Variants in MITF observed in about 807,000 individuals in gnomAD.
MITF encodes the protein melanocyte inducing transcription factor.
MITF carries 17 observed loss-of-function variants against 60.5 expected under a neutral mutation model. The observed-to-expected ratio is 0.28, with a 90% CI of 0.19 to 0.42. The LOEUF (loss-of-function observed/expected upper bound fraction) is 0.42, where lower values mean the gene tolerates loss of function less well. Among genes scored for constraint, MITF ranks in the 10% least tolerant of loss-of-function variants. MITF has a pLI of 1.00. For synonymous variants in MITF, 260 were observed against 248.5 expected (o/e 1.05, Z -0.43); for missense variants, 622 against 683.5 (o/e 0.91, Z 1.00).
intron 1 of MITF, among the ~76,000 whole-genome samples, chr3:69,868,681 A>ACT (rs2064163086): frequency 6.6e-6 from 1 of 152,044 alleles, no homozygotes; most frequent in African/African-American, 2.4e-5. Context: ...CAGGTGGATC[A>ACT]TGAGGTCAGG....
chr3:69,903,290 A>G (rs1012648793), intron 2 of MITF, among the ~76,000 whole-genome samples: 7 of 152,204 alleles, frequency 4.6e-5, no homozygotes, highest in Non-Finnish European at 7.3e-5. Flanking sequence ...TATTTTTATA[A>G]AATCTCCCTG....
At chr3:69,739,847 C>T (rs975010972) in intron 1 of MITF, 146 bp downstream of exon 1, 8 of 643,558 alleles carry the variant, frequency 1.2e-5, no homozygotes, top group Non-Finnish European at 1.9e-5. Context: ...CTGCCCCTCG[C>T]AGTTGGGGGC....
chr3:69,854,383 T>C (rs943499513), intron 1 of MITF, among the ~76,000 whole-genome samples: 4 of 152,214 alleles, frequency 2.6e-5, no homozygotes, highest in African/African-American at 9.6e-5. Flanking sequence ...TTTAAAATGG[T>C]GTAGTATTTT....
chr3:69,790,700 A>G (rs1459044070), intron 1 of MITF, among the ~76,000 whole-genome samples: 1 of 152,196 alleles, frequency 6.6e-6, no homozygotes, highest in Non-Finnish European at 1.5e-5. Context: ...CAAAACCCCT[A>G]TATCTCGCTT....
At chr3:69,807,744 A>C (rs1257040739) in intron 1 of MITF, among the ~76,000 whole-genome samples, 1 of 152,230 alleles carries the variant, frequency 6.6e-6, no homozygotes, top group Non-Finnish European at 1.5e-5. Context: ...ACCTCATCAA[A>C]GCAGTTAATT....
intron 1 of MITF, among the ~76,000 whole-genome samples, chr3:69,756,132 T>C (rs1196696280): frequency 6.6e-6 from 1 of 152,178 alleles, no homozygotes; most frequent in African/African-American, 2.4e-5. Context: ...GGCAAGTTTT[T>C]TTTTTTAAGT....
At chr3:69,848,318 T>G (rs1156494867) in intron 1 of MITF, among the ~76,000 whole-genome samples, 2 of 152,234 alleles carry the variant, frequency 1.3e-5, no homozygotes, top group African/African-American at 4.8e-5. Flanking sequence ...TTCTCATGAC[T>G]TTATTTTTCC....
At chr3:69,875,977 G>A (rs56038322) in intron 1 of MITF, among the ~76,000 whole-genome samples, 42,119 of 152,024 alleles carry the variant, frequency 0.28, 6,092 homozygotes, top group Admixed American at 0.31. Context: ...TAACTGAGCT[G>A]TGCTATATTT....
chr3:69,744,573 T>G (rs184142185), intron 1 of MITF, among the ~76,000 whole-genome samples: 52 of 152,354 alleles, frequency 3.4e-4, no homozygotes, highest in Non-Finnish European at 5.9e-4. Flanking sequence ...TGACACACAG[T>G]AAGTGCTCAG....
chr3:69,760,981 T>G (rs1057511661), intron 1 of MITF, among the ~76,000 whole-genome samples: 1 of 152,232 alleles, frequency 6.6e-6, no homozygotes, highest in African/African-American at 2.4e-5. Flanking sequence ...GGTTCTGTAC[T>G]TTCAAGTTAC....
At chr3:69,889,450 A>G (rs1231257507) in intron 2 of MITF, among the ~76,000 whole-genome samples, 1 of 151,818 alleles carries the variant, frequency 6.6e-6, no homozygotes, top group African/African-American at 2.4e-5. Flanking sequence ...AACCAAGTAC[A>G]TAAATTCAAA....
At chr3:69,820,771 C>T (rs1193871811) in intron 1 of MITF, among the ~76,000 whole-genome samples, 2 of 152,156 alleles carry the variant, frequency 1.3e-5, no homozygotes, top group African/African-American at 4.8e-5. Context: ...GCCCAACACT[C>T]TGCACTTTGG....
intron 1 of MITF, among the ~76,000 whole-genome samples, chr3:69,793,554 GT>G (rs1553680464): frequency 2.7e-4 from 27 of 101,618 alleles, no homozygotes; most frequent in East Asian, 2.4e-3. Flanking sequence ...CAATGCTCAA[GT>G]TATGATGACC....
In MITF at chr3:69,967,400, T is replaced by TTG; in HGVS notation, c.*2152_*2153insTG. 4.3e-6 allele frequency: 1 copy of TTG among 232,622 alleles called. No homozygotes were observed. The highest frequency in any genetic ancestry group is 8.5e-6 in the Non-Finnish European group (1 of 117,426). The allele number at this position is 232,622 out of a possible 1,614,324, so 14.4% of individuals were successfully genotyped here. On this transcript the variant is annotated 3_prime_UTR_variant, in exon 10 of 10. Coordinates refer to ENST00000352241, the MANE Select transcript of MITF (RefSeq NM_001354604.2). ...GTCTATTTTTCTCTTCATATTTATA[T>TTG]GGGGGGGAGGGCGCTGGATGCAAAA...
chr3:69,840,599 G>A (rs1054728410), intron 1 of MITF, among the ~76,000 whole-genome samples: 3 of 151,888 alleles, frequency 2.0e-5, no homozygotes, highest in African/African-American at 7.3e-5. Context: ...AAAAGAGATC[G>A]ACAGGAAAAT....
In MITF at chr3:69,879,184, G is replaced by A. The variant is rs2107276232; in HGVS notation, c.155G>A (p.Ser52Asn). 5.6e-6 allele frequency: 9 copies of A among 1,614,252 alleles called. No homozygotes were observed. The highest frequency in any genetic ancestry group is 7.6e-6 in the Non-Finnish European group (9 of 1,180,048). The change falls in exon 2 of 10, where the codon AGT (serine) becomes AAT (asparagine). Residue 52 changes from serine (S) to asparagine (N), a missense_variant. Physicochemically the swap from Ser to Asn is conservative, Grantham distance 46. Coordinates refer to ENST00000352241, the MANE Select transcript of MITF (RefSeq NM_001354604.2). ...GASKPPISSS[S>N]MTSRILLRQQ... ...TCCAAGCCTCCGATAAGCTCCTCCA[G>A]TATGACATCACGCATCTTGCTACGC...
chr3:69,768,483 A>C (rs1045176681), intron 1 of MITF, among the ~76,000 whole-genome samples: 4 of 152,242 alleles, frequency 2.6e-5, no homozygotes, highest in Admixed American at 2.6e-4. Flanking sequence ...TTTTCTGAAC[A>C]TGATATTTTA....
At chr3:69,916,429 A>G (rs1377665129) in intron 2 of MITF, among the ~76,000 whole-genome samples, 1 of 152,204 alleles carries the variant, frequency 6.6e-6, no homozygotes, top group Admixed American at 6.5e-5. Context: ...CTTTAATAAT[A>G]AAATTAGTAT....
At chr3:69,939,002 C>T in intron 3 of MITF, 96 bp from the exon 4 acceptor site, 2 of 1,557,018 alleles carry the variant, frequency 1.3e-6, no homozygotes, top group Non-Finnish European at 1.7e-6. Flanking sequence ...AAGCTTAGTT[C>T]ATCTTGTTGC....
Sources: allele counts gnomAD v4.1 joint callset (sites outside exome capture counted in the v4.1 genomes callset), GRCh38; gene constraint gnomAD v4.1.1; transcripts MANE v1.5; gene names NCBI Gene and HGNC (gene_info 2026-07-23, HGNC 2026-07-21).